The following TMCO1 variants were observed in gnomAD, a reference collection of about 807,000 sequenced individuals.
TMCO1 encodes calcium load-activated calcium channel.
Under a neutral mutation model 29.3 loss-of-function variants are expected in TMCO1, and 29 were observed. That is an observed-to-expected ratio of 0.99 (90% confidence interval 0.74 to 1.35). TMCO1 has a LOEUF of 1.35. Ranked by LOEUF, TMCO1 falls within the 40% of genes most tolerant of loss-of-function variation. The pLI is 0.00. For missense variants in TMCO1, 173 were observed against 225.5 expected (o/e 0.77, Z 1.49); for synonymous variants, 80 against 77.1 (o/e 1.04, Z -0.20).
intron 2 of TMCO1, among the ~76,000 whole-genome samples, chr1:165,766,778 A>AAAT (rs56155420): frequency 6.6e-6 from 1 of 151,146 alleles, no homozygotes; most frequent in Admixed American, 6.6e-5. Flanking sequence ...ATAAATAAAT[A>AAAT]AAAAATAAAA....
intron 6 of TMCO1, among the ~76,000 whole-genome samples, chr1:165,740,451 C>CGCCTCGACCTCCCAAAGT (rs1651550912): frequency 6.6e-6 from 1 of 151,958 alleles, no homozygotes; most frequent in Admixed American, 6.6e-5. Flanking sequence ...ATGATCCGCC[C>CGCCTCGACCTCCCAAAGT]GCCTCGACCT....
chr1:165,766,222 A>G (rs1026992261), intron 2 of TMCO1, among the ~76,000 whole-genome samples: 6 of 152,234 alleles, frequency 3.9e-5, no homozygotes, highest in Non-Finnish European at 5.9e-5. Context: ...CAAATGACAC[A>G]GGCTTAGACA....
At chr1:165,732,866 A>T (rs908259750) in intron 6 of TMCO1, among the ~76,000 whole-genome samples, 1 of 152,190 alleles carries the variant, frequency 6.6e-6, no homozygotes, top group Non-Finnish European at 1.5e-5. Context: ...ACTTTTTCTC[A>T]TATCTTGCCT....
chr1:165,739,123 C>G (rs528415251), intron 6 of TMCO1, among the ~76,000 whole-genome samples: 1 of 152,262 alleles, frequency 6.6e-6, no homozygotes, highest in East Asian at 1.9e-4. Flanking sequence ...CCACCTCCCC[C>G]TCTTTTTTGT....
rs72699932 is a variant in TMCO1 at position 165,756,034 on chromosome 1, T to G, written c.209-1760A>C. Among the ~76,000 whole-genome samples, 864 of 138,352 alleles carry G rather than the reference T, an allele frequency of 6.2e-3. 4 individuals carry two copies. The highest frequency in any genetic ancestry group is 9.0e-3 in the Non-Finnish European group (582 of 64,742). The allele number at this position is 138,352 out of a possible 152,430, so 90.8% of individuals were successfully genotyped here. Reference sequence around the variant, plus strand: ...AACTTTAATTTGCCTAAGAATTATATGGGCAGCTTGTTTAAAAAAAAAAAA... The same window carrying G: ...AACTTTAATTTGCCTAAGAATTATAGGGGCAGCTTGTTTAAAAAAAAAAAA... On this transcript the variant is annotated intron_variant, in intron 3 of 6. Transcript: ENST00000367881.
downstream of TMCO1, chr1:165,724,892 G>A (rs139608673): frequency 8.8e-6 from 4 of 453,648 alleles, no homozygotes; most frequent in African/African-American, 8.0e-5. Context: ...AGAAAGGGCA[G>A]AAGCAGGTGG....
At chr1:165,752,496 C>A (rs1208878601) in intron 4 of TMCO1, among the ~76,000 whole-genome samples, 2 of 151,526 alleles carry the variant, frequency 1.3e-5, no homozygotes, top group East Asian at 1.9e-4. Flanking sequence ...ACCTTGTGAC[C>A]CCCCCGCCTC....
At chr1:165,759,335 T>G (rs1220756600) in intron 3 of TMCO1, among the ~76,000 whole-genome samples, 190 bp downstream of exon 3, 1 of 152,218 alleles carries the variant, frequency 6.6e-6, no homozygotes, top group East Asian at 1.9e-4. Context: ...ATAGAGGAAC[T>G]GCTTAAATTT....
chr1:165,742,911 A>G (rs185923605), intron 6 of TMCO1, among the ~76,000 whole-genome samples: 1 of 152,302 alleles, frequency 6.6e-6, no homozygotes, highest in Admixed American at 6.5e-5. Flanking sequence ...TGTAATAAAG[A>G]AGGAGCCTGA....
chr1:165,768,689 G>C lies in TMCO1; in HGVS notation c.63C>G (p.Leu21=), dbSNP rs756172758. 5.9e-5 allele frequency: 96 copies of C among 1,613,932 alleles called. No individual in the cohort carries two copies. The highest frequency in any genetic ancestry group is 7.4e-5 in the Non-Finnish European group (87 of 1,180,018). The stretch of plus-strand genomic sequence containing the variant: ...AGAAATACCCGCTCTCACCCTCTGC[G>C]AGCAGAGCCGTGCACACAGAGATAA... The part of the protein sequence containing the change: ...IVFISVCTAL[L]AEGITWVLVY... The change falls in exon 1 of 7, where the codon CTC becomes CTG. Residue 21 remains leucine (L), a synonymous_variant. Coordinates refer to ENST00000367881, the MANE Select transcript of TMCO1 (RefSeq NM_019026.6).
chr1:165,768,390 C>CT, intron 1 of TMCO1, 121 bp from the exon 2 acceptor site: 3 of 1,499,054 alleles, frequency 2.0e-6, no homozygotes, highest in African/African-American at 2.8e-5. Flanking sequence ...CCATAGTTAA[C>CT]TTTTTTCAAA....
downstream of TMCO1, chr1:165,725,952 T>C: frequency 1.5e-6 from 1 of 662,098 alleles, no homozygotes; most frequent in Non-Finnish European, 2.8e-6. Flanking sequence ...ATTTATTCCT[T>C]ACCATGGAAA....
At chr1:165,743,031 C>T in intron 6 of TMCO1, 136 bp downstream of exon 6, 1 of 1,056,700 alleles carries the variant, frequency 9.5e-7, no homozygotes, top group Non-Finnish European at 1.4e-6. Context: ...TTGGAAGATA[C>T]ACTGAAATTC....
At chr1:165,768,045 C>G in intron 2 of TMCO1, 147 bp downstream of exon 2, 1 of 731,850 alleles carries the variant, frequency 1.4e-6, no homozygotes, top group Non-Finnish European at 2.4e-6. Context: ...TGGTATTACA[C>G]ATTTTGCATA....
intron 5 of TMCO1, among the ~76,000 whole-genome samples, chr1:165,749,688 A>G (rs1571222681): frequency 6.6e-6 from 1 of 152,314 alleles, no homozygotes; most frequent in South Asian, 2.1e-4. Context: ...GAAAATAGAA[A>G]AAAACAGGAA....
At chr1:165,768,354 A>G in intron 1 of TMCO1, 85 bp from the exon 2 acceptor site, 1 of 1,523,542 alleles carries the variant, frequency 6.6e-7, no homozygotes, top group Non-Finnish European at 9.0e-7. Flanking sequence ...AGAAGGAGGA[A>G]TTCCAACTTT....
At chr1:165,754,143 G>T in intron 4 of TMCO1, 85 bp downstream of exon 4, 1 of 1,143,936 alleles carries the variant, frequency 8.7e-7, no homozygotes, top group Non-Finnish European at 1.3e-6. Context: ...TTTCTGAAAA[G>T]GTGAGTGCAA....
chr1:165,728,103 C>T lies in TMCO1; in HGVS notation c.487G>A (p.Gly163Ser), dbSNP rs915211345. ...GTGGCGGCTCGTGAAGGGGCAAGGC[C>T]GAGAATCTTCTGAATGTTCTGTGAA... ...SIRQNIQKIL[G>S]LAPSRAATKQ... Residue 163 changes from glycine to serine, a missense_variant, in exon 7 of 7, where the codon GGC (glycine) becomes AGC (serine). By Grantham distance (56) the Gly-to-Ser change is moderately conservative (BLOSUM62 0). Coordinates refer to ENST00000367881, the MANE Select transcript of TMCO1 (RefSeq NM_019026.6). The T allele has an allele frequency of 1.0e-5, 16 of 1,607,146 alleles. No homozygotes were observed. Among genetic ancestry groups the T allele is most frequent in the African/African-American group, 2.7e-5 (2 of 74,678 alleles).
In TMCO1 at chr1:165,768,730, T is replaced by C; in HGVS notation, c.22A>G (p.Thr8Ala). 1 of 1,612,094 alleles carries C rather than the reference T, an allele frequency of 6.2e-7. No homozygotes were observed. The highest frequency in any genetic ancestry group is 8.5e-7 in the Non-Finnish European group (1 of 1,179,446). Residue 8 changes from threonine to alanine, a missense_variant, in exon 1 of 7, where the codon ACT (threonine) becomes GCT (alanine). Coordinates refer to ENST00000367881, the MANE Select transcript of TMCO1 (RefSeq NM_019026.6). ...ACAGAGATAAAAACGATGAGGAGAGTGTCCGCGAACATAGTGCTCATCTCG... is the reference window on the plus strand; with the variant it reads ...ACAGAGATAAAAACGATGAGGAGAGCGTCCGCGAACATAGTGCTCATCTCG... MSTMFADTLLIVFISVCT... is the reference protein window; with the variant it reads MSTMFADALLIVFISVCT...
Sources: gnomAD v4.1 joint callset for allele counts (sites outside exome capture counted in the v4.1 genomes callset) on GRCh38, gnomAD v4.1.1 for gene constraint, MANE v1.5 for transcripts, NCBI Gene and HGNC (gene_info 2026-07-23, HGNC 2026-07-21) for gene names.